The following FZD3 variants were observed in gnomAD, a reference collection of about 807,000 sequenced individuals.
FZD3 encodes frizzled class receptor 3.
In FZD3, 30 loss-of-function variants were observed where a neutral mutation model predicts 60.7. The ratio of observed to expected loss-of-function variants is 0.49; its 90% CI spans 0.37 to 0.67. The LOEUF (loss-of-function observed/expected upper bound fraction) is 0.67, where lower values mean the gene tolerates loss of function less well. FZD3 is among the 30% of genes least tolerant of loss of function. The probability of loss-of-function intolerance (pLI) is 0.00; values close to 1 mark genes in which losing one functional copy is unlikely to be tolerated. For missense variants in FZD3, 605 were observed against 838.7 expected (o/e 0.72, Z 3.44); for synonymous variants, 246 against 275.2 (o/e 0.89, Z 1.05).
At chr8:28,548,304 T>C (rs1468297777) in intron 5 of FZD3, among the ~76,000 whole-genome samples, 1 of 152,088 alleles carries the variant, frequency 6.6e-6, no homozygotes, top group Non-Finnish European at 1.5e-5. Context: ...TGTTTTTTTG[T>C]TTTTATTTAA....
At chr8:28,553,406 T>C (rs1479965462) in intron 6 of FZD3, among the ~76,000 whole-genome samples, 1 of 152,234 alleles carries the variant, frequency 6.6e-6, no homozygotes, top group Non-Finnish European at 1.5e-5. Context: ...TTTATTTGTG[T>C]ATTCTTTGGA....
intron 2 of FZD3, among the ~76,000 whole-genome samples, chr8:28,501,476 T>C (rs922018434): frequency 1.3e-5 from 2 of 152,208 alleles, no homozygotes. Context: ...GTCTGGGTCT[T>C]TGAGAATTTC....
At chr8:28,553,255 C>T (rs1805446316) in intron 6 of FZD3, among the ~76,000 whole-genome samples, 1 of 152,188 alleles carries the variant, frequency 6.6e-6, no homozygotes, top group Admixed American at 6.5e-5. Flanking sequence ...GTCTTCTAGG[C>T]ATTTATTCAT....
chr8:28,543,833 C>G (rs1805232827), intron 5 of FZD3, among the ~76,000 whole-genome samples: 1 of 151,972 alleles, frequency 6.6e-6, no homozygotes, highest in Admixed American at 6.5e-5. Flanking sequence ...GTCTCTAATT[C>G]CCCAGTAAAG....
Position 28,527,776 on chromosome 8 carries a change from C to T in FZD3, c.1016C>T (p.Pro339Leu). Reference sequence around the variant, plus strand: ...TTTCACGCCAGTGCATGGGGCATCCCCGGAACTCTAACCATCATCCTTTTA... The same window carrying T: ...TTTCACGCCAGTGCATGGGGCATCCTCGGAACTCTAACCATCATCCTTTTA... Reference protein sequence around the residue: ...LLFHASAWGIPGTLTIILLAM... With the variant: ...LLFHASAWGILGTLTIILLAM... Residue 339 changes from proline (P) to leucine (L), a missense_variant, in exon 5 of 8, where the codon CCC becomes CTC. Transcript: ENST00000240093. This position sits in a 1 kb window ranked among gnomAD's most constrained non-coding sequence, Gnocchi z 5.0. The T allele has an allele frequency of 6.2e-7, 1 of 1,614,152 alleles. No individual in the cohort carries two copies. The highest frequency in any genetic ancestry group is 8.5e-7 in the Non-Finnish European group (1 of 1,180,018).
intron 4 of FZD3, among the ~76,000 whole-genome samples, chr8:28,524,641 T>C (rs1804669345): frequency 6.6e-6 from 1 of 152,212 alleles, no homozygotes; most frequent in Non-Finnish European, 1.5e-5. Context: ...CCTTGAATAA[T>C]GGTGCTTCCC....
intron 5 of FZD3, among the ~76,000 whole-genome samples, chr8:28,541,515 C>T (rs982922463): frequency 5.3e-5 from 8 of 152,192 alleles, no homozygotes; most frequent in African/African-American, 1.7e-4. Context: ...ACAGACAATG[C>T]AGTTTAAGGT....
intron 7 of FZD3, among the ~76,000 whole-genome samples, chr8:28,556,207 A>G (rs1323411661): frequency 6.6e-6 from 1 of 152,204 alleles, no homozygotes; most frequent in Non-Finnish European, 1.5e-5. Flanking sequence ...AAGACAGGGT[A>G]AAAGTGGTTA....
At chr8:28,504,894 C>G (rs1804095637) in intron 3 of FZD3, among the ~76,000 whole-genome samples, 1 of 152,154 alleles carries the variant, frequency 6.6e-6, no homozygotes, top group African/African-American at 2.4e-5. Context: ...CACAAGTAGT[C>G]TAGATATTTC....
intron 5 of FZD3, among the ~76,000 whole-genome samples, chr8:28,533,834 A>G (rs1804941491): frequency 1.3e-5 from 2 of 152,114 alleles, no homozygotes; most frequent in South Asian, 4.1e-4. Context: ...GTTCTGGAAG[A>G]TAGTGCTGGT....
intron 5 of FZD3, among the ~76,000 whole-genome samples, chr8:28,546,757 C>G (rs1585993421): frequency 6.6e-6 from 1 of 152,072 alleles, no homozygotes; most frequent in Non-Finnish European, 1.5e-5. Flanking sequence ...AGGCGGATAA[C>G]AAGGTCAGGA....
At chr8:28,547,113 A>G (rs1805313152) in intron 5 of FZD3, among the ~76,000 whole-genome samples, 1 of 152,234 alleles carries the variant, frequency 6.6e-6, no homozygotes, top group Admixed American at 6.5e-5. Context: ...TAAGGAATTC[A>G]TATATCCTCT....
intron 5 of FZD3, among the ~76,000 whole-genome samples, chr8:28,535,179 A>G (rs1021929655): frequency 1.3e-5 from 2 of 152,206 alleles, no homozygotes; most frequent in African/African-American, 4.8e-5. Context: ...CTGGGTGTAA[A>G]GTATTTTAAA....
At chr8:28,543,416 T>C (rs1029290927) in intron 5 of FZD3, among the ~76,000 whole-genome samples, 9 of 152,094 alleles carry the variant, frequency 5.9e-5, no homozygotes, top group African/African-American at 2.2e-4. Context: ...AGTGTCACTC[T>C]GTCACCCATG....
chr8:28,500,619 A>C (rs1279651861), intron 2 of FZD3, among the ~76,000 whole-genome samples: 1 of 152,226 alleles, frequency 6.6e-6, no homozygotes, highest in Non-Finnish European at 1.5e-5. Flanking sequence ...ATAAACTACA[A>C]AGACTGAACT....
In FZD3 at chr8:28,562,889, C is replaced by T. The variant is rs879047146; in HGVS notation, c.1879C>T (p.His627Tyr). The change falls in exon 8 of 8, where the codon CAT (histidine) becomes TAT (tyrosine). Residue 627 changes from histidine (H) to tyrosine (Y), a missense_variant. Physicochemically the swap from His to Tyr is moderately conservative, Grantham distance 83. Coordinates refer to ENST00000240093, the MANE Select transcript of FZD3 (RefSeq NM_017412.4). Reference protein sequence around the residue: ...LTDHSRHSSSHRLNEQSRHSS... With the variant: ...LTDHSRHSSSYRLNEQSRHSS... ...AGATCACTCCAGGCATAGTAGTTCT[C>T]ATCGGCTCAATGAACAGTCACGACA... is the stretch of plus-strand genomic sequence containing the variant. 3.7e-6 allele frequency: 6 copies of T among 1,613,326 alleles called. No individual in the cohort carries two copies. The highest frequency in any genetic ancestry group is 5.1e-6 in the Non-Finnish European group (6 of 1,179,316).
At chr8:28,510,961 C>T (rs368539341) in intron 3 of FZD3, among the ~76,000 whole-genome samples, 190 of 151,906 alleles carry the variant, frequency 1.3e-3, no homozygotes, top group African/African-American at 3.8e-3. Context: ...TGCTTGAACC[C>T]GGGAGGCAGA....
At position 28,568,016 on chromosome 8, in the gene FZD3, TGTTG is replaced by T. The variant is rs750554544; in HGVS notation, c.*5009_*5012del. On this transcript the variant is annotated 3_prime_UTR_variant, in exon 8 of 8. Transcript: ENST00000240093. Reference sequence around the variant, plus strand: ...AAAAGTTTTGAAAAAGTGATTCACTTGTTGGTTTTCATTGTGGCAAAACTTTAAA... The same window carrying T: ...AAAAGTTTTGAAAAAGTGATTCACTTGTTTTCATTGTGGCAAAACTTTAAA... 2.8e-4 allele frequency: 42 copies of T among 152,274 alleles called. No homozygotes were observed. The highest frequency in any genetic ancestry group is 8.3e-4 in the South Asian group (4 of 4,830). The allele number at this position is 152,274 out of a possible 1,614,324, so 9.4% of individuals were successfully genotyped here. A position where few individuals can be genotyped will look rare whatever the true frequency, so the allele number is the denominator to read the frequency against.
chr8:28,520,927 T>G (rs1804562571), intron 4 of FZD3, 93 bp downstream of exon 4: 1 of 795,830 alleles, frequency 1.3e-6, no homozygotes, highest in Non-Finnish European at 1.9e-6. Context: ...AAAAAACTTT[T>G]TTTGAAGTGT....
Sources: gnomAD v4.1 joint callset for allele counts (sites outside exome capture counted in the v4.1 genomes callset) on GRCh38, gnomAD v4.1.1 for gene constraint, Gnocchi (gnomAD v3.1) non-coding constraint, MANE v1.5 for transcripts, NCBI Gene and HGNC (gene_info 2026-07-23, HGNC 2026-07-21) for gene names.